RFWD3: variants seen among roughly 807,000 people sequenced by gnomAD.
The protein encoded by RFWD3 is ring finger and WD repeat domain 3, also known as E3 ubiquitin-protein ligase RFWD3.
RFWD3 carries 65 observed loss-of-function variants against 87.7 expected under a neutral mutation model. That is an observed-to-expected ratio of 0.74 (90% CI 0.61 to 0.91). The LOEUF is 0.91. Among genes scored for constraint, RFWD3 ranks in the 40% least tolerant of loss-of-function variants. The pLI is 0.00. For missense variants in RFWD3, 1,078 were observed against 938.5 expected, an observed-to-expected ratio of 1.15 and a Z score of -1.94; for synonymous variants, 433 against 352.8, an observed-to-expected ratio of 1.23 and a Z score of -2.55.
Position 74,626,208 on chromosome 16 carries a change from G to C in RFWD3, c.2181+135C>G. 5.4e-6 allele frequency: 4 copies of C among 735,436 alleles called. No individual in the cohort carries two copies. In the South Asian group the frequency reaches 6.8e-5, roughly 12 times the overall value. The allele number at this position is 735,436 out of a possible 1,614,324, so 45.6% of individuals were successfully genotyped here. On this transcript the variant is annotated intron_variant, in intron 12 of 12. Coordinates refer to ENST00000361070, the MANE Select transcript of RFWD3 (RefSeq NM_018124.4). ...AGCAATCTCACATACACACATATGC[G>C]GATATGTGGGATTACAGAGCAGAAC...
intron 4 of RFWD3, among the ~76,000 whole-genome samples, chr16:74,648,200 T>C (rs1960306298): frequency 6.6e-6 from 1 of 152,016 alleles, no homozygotes; most frequent in Non-Finnish European, 1.5e-5. Flanking sequence ...TTATCCTCAA[T>C]ACTCCTCCCT....
Position 74,623,739 on chromosome 16 carries a change from G to C in RFWD3, c.*189C>G, listed in dbSNP as rs1958834484. Reference sequence around the variant, plus strand: ...AAAGTACCCATCAATTACTCTTTTAGTGGACATAACAGATACACAATCTGT... The same window carrying C: ...AAAGTACCCATCAATTACTCTTTTACTGGACATAACAGATACACAATCTGT... On this transcript the variant is annotated 3_prime_UTR_variant, in exon 13 of 13. Coordinates refer to ENST00000361070, the MANE Select transcript of RFWD3 (RefSeq NM_018124.4). 1.8e-6 allele frequency: 1 copy of C among 552,440 alleles called. No individual in the cohort carries two copies. Among genetic ancestry groups the C allele is most frequent in the Non-Finnish European group, 3.2e-6 (1 of 317,412 alleles). The allele number at this position is 552,440 out of a possible 1,614,324, so 34.2% of individuals were successfully genotyped here.
At chr16:74,648,934 G>A (rs1960372152) in intron 4 of RFWD3, among the ~76,000 whole-genome samples, 198 bp downstream of exon 4, 1 of 151,926 alleles carries the variant, frequency 6.6e-6, no homozygotes, top group Non-Finnish European at 1.5e-5. Context: ...AATAAAAAAT[G>A]TAGCCGAGTG....
At chr16:74,644,279 G>T (rs1243424187) in intron 6 of RFWD3, 83 bp downstream of exon 6, 4 of 1,324,428 alleles carry the variant, frequency 3.0e-6, no homozygotes, top group Admixed American at 3.4e-5. Flanking sequence ...ACCTCACTAC[G>T]AGTGACTCAT....
Position 74,623,892 on chromosome 16 carries a change from A to T in RFWD3, c.*36T>A, listed in dbSNP as rs978388204. ...TGCTAGGCGCTAGCAAACAACATCT[A>T]ACCAGCAGCATGCCTTCAAGGTTTC... On this transcript the variant is annotated 3_prime_UTR_variant, in exon 13 of 13. Transcript: ENST00000361070. 1 of 1,610,576 alleles carries T rather than the reference A, an allele frequency of 6.2e-7. No homozygotes were observed. The highest frequency in any genetic ancestry group is 1.3e-5 in the African/African-American group (1 of 74,862).
intron 8 of RFWD3, among the ~76,000 whole-genome samples, chr16:74,635,240 G>A (rs968177640): frequency 8.6e-5 from 13 of 151,678 alleles, no homozygotes; most frequent in Non-Finnish European, 1.8e-4. Context: ...TAGAGACAGC[G>A]CCACTGCAGT....
chr16:74,651,421 C>T (rs1038427539), intron 3 of RFWD3, among the ~76,000 whole-genome samples: 3 of 152,018 alleles, frequency 2.0e-5, no homozygotes, highest in African/African-American at 7.2e-5. Flanking sequence ...AGTTTATGAC[C>T]AGCCGGGGCA....
intron 1 of RFWD3, 147 bp from the exon 2 acceptor site, chr16:74,661,598 T>G: frequency 1.3e-6 from 1 of 775,656 alleles, no homozygotes; most frequent in South Asian, 1.9e-5. Context: ...TTTAACTACT[T>G]AAGTCAGAAG....
intron 1 of RFWD3, chr16:74,666,458 C>T (rs1961930249): frequency 1.3e-5 from 2 of 152,260 alleles, no homozygotes. Context: ...CGAGGCTAGG[C>T]TCTCGGGGGA....
chr16:74,626,766 T>C (rs1186815949), intron 11 of RFWD3, among the ~76,000 whole-genome samples: 4 of 152,164 alleles, frequency 2.6e-5, no homozygotes, highest in Admixed American at 2.0e-4. Context: ...TTTAGAACCA[T>C]AGGCTAGGAA....
At chr16:74,629,354 C>A (rs1211563518) in intron 10 of RFWD3, among the ~76,000 whole-genome samples, 1 of 152,186 alleles carries the variant, frequency 6.6e-6, no homozygotes, top group Non-Finnish European at 1.5e-5. Flanking sequence ...TCTTTCCTTG[C>A]TATTTTAAAA....
At chr16:74,660,793 A>C in intron 2 of RFWD3, 139 bp downstream of exon 2, 1 of 876,362 alleles carries the variant, frequency 1.1e-6, no homozygotes, top group South Asian at 1.7e-5. Flanking sequence ...AAGCACTTTT[A>C]TTTCCACCTA....
chr16:74,665,068 A>T (rs1309865952), intron 1 of RFWD3, among the ~76,000 whole-genome samples: 1 of 152,118 alleles, frequency 6.6e-6, no homozygotes, highest in Non-Finnish European at 1.5e-5. Context: ...CATCTTTGTT[A>T]CTCAGGTTTC....
chr16:74,627,240 CCTGA>C (rs1297167638), intron 11 of RFWD3, among the ~76,000 whole-genome samples: 1 of 152,210 alleles, frequency 6.6e-6, no homozygotes, highest in African/African-American at 2.4e-5. Context: ...TATACATCTG[CCTGA>C]CTGTTACAAA....
At chr16:74,635,210 G>T (rs1959184392) in intron 8 of RFWD3, among the ~76,000 whole-genome samples, 1 of 152,028 alleles carries the variant, frequency 6.6e-6, no homozygotes, top group South Asian at 2.1e-4. Context: ...CCGAGAGGTG[G>T]AGCTTGCAGT....
At chr16:74,637,463 C>G (rs1016678151) in intron 7 of RFWD3, among the ~76,000 whole-genome samples, 7 of 152,090 alleles carry the variant, frequency 4.6e-5, no homozygotes, top group Admixed American at 4.6e-4. Context: ...CCTGTCTCTA[C>G]TAAAAGTACA....
intron 1 of RFWD3, among the ~76,000 whole-genome samples, chr16:74,663,538 G>C (rs1961627869): frequency 6.6e-6 from 1 of 152,108 alleles, no homozygotes; most frequent in Non-Finnish European, 1.5e-5. Context: ...TGAATAAATG[G>C]AAGGAATTCT....
chr16:74,646,970 C>A (rs1056270907), intron 4 of RFWD3, among the ~76,000 whole-genome samples: 2 of 151,936 alleles, frequency 1.3e-5, no homozygotes, highest in Non-Finnish European at 2.9e-5. Context: ...CGCCTGTAGT[C>A]CCAGCTACCG....
At chr16:74,624,143 T>G in intron 12 of RFWD3, 72 bp from the exon 13 acceptor site, 1 of 1,526,420 alleles carries the variant, frequency 6.6e-7, no homozygotes, top group Non-Finnish European at 8.8e-7. Context: ...CTTCATCATC[T>G]AACAAGTCTG....
Sources: allele counts gnomAD v4.1 joint callset (sites outside exome capture counted in the v4.1 genomes callset), GRCh38; gene constraint gnomAD v4.1.1; transcripts MANE v1.5; gene names NCBI Gene and HGNC (gene_info 2026-07-23, HGNC 2026-07-21).